Variants in TMEM232 observed in about 807,000 individuals in gnomAD.
The protein encoded by TMEM232 is transmembrane protein 232.
Under a neutral mutation model 78.8 loss-of-function variants are expected in TMEM232, and 80 were observed. The observed-to-expected ratio is 1.01, with a 90% confidence interval of 0.85 to 1.22. TMEM232 has a LOEUF of 1.22. TMEM232 is among the 50% of genes most tolerant of loss of function. The pLI is 0.00. For synonymous variants in TMEM232, 297 were observed against 254.3 expected (o/e 1.17, Z -1.60); for missense variants, 881 against 742.2 (o/e 1.19, Z -2.17).
At chr5:110,508,998 G>GTA (rs202045858) in intron 12 of TMEM232, among the ~76,000 whole-genome samples, 9 of 123,482 alleles carry the variant, frequency 7.3e-5, no homozygotes, top group Non-Finnish European at 1.1e-4. Flanking sequence ...GTGTATATAT[G>GTA]TATATATATA....
At chr5:110,615,015 T>C (rs1443482050) in intron 8 of TMEM232, among the ~76,000 whole-genome samples, 1 of 151,964 alleles carries the variant, frequency 6.6e-6, no homozygotes, top group Non-Finnish European at 1.5e-5. Context: ...ATGTAAAAAA[T>C]ATTGCAATCT....
At chr5:110,552,176 C>T (rs1053425066) in intron 11 of TMEM232, among the ~76,000 whole-genome samples, 2 of 151,836 alleles carry the variant, frequency 1.3e-5, no homozygotes, top group Non-Finnish European at 2.9e-5. Context: ...CCAGAATTTT[C>T]AAGTAAGTGG....
intron 10 of TMEM232, among the ~76,000 whole-genome samples, chr5:110,597,575 A>C (rs897302303): frequency 6.6e-6 from 1 of 151,788 alleles, no homozygotes; most frequent in African/African-American, 2.4e-5. Context: ...AAGCCAAAAG[A>C]ACAAAGCTGG....
chr5:110,406,846 G>A lies in TMEM232; in HGVS notation n.309-8992C>T, dbSNP rs142124693. ...CTGAAAATCAAAATGTAGTGGAAAT[G>A]AGGTTAGATTGTAGATTTTTTGCCT... is the stretch of plus-strand genomic sequence containing the variant. On this transcript the variant is annotated intron_variant and non_coding_transcript_variant, in intron 2 of 8. Coordinates refer to the TMEM232 transcript ENST00000507188. Among the ~76,000 whole-genome samples the A allele has an allele frequency of 4.7e-3, 709 of 152,200 alleles. 7 individuals are homozygous for A. The highest frequency in any genetic ancestry group is 0.016 in the African/African-American group (667 of 41,564).
At chr5:110,588,262 T>C (rs1779097443) in intron 10 of TMEM232, among the ~76,000 whole-genome samples, 1 of 152,144 alleles carries the variant, frequency 6.6e-6, no homozygotes, top group Non-Finnish European at 1.5e-5. Context: ...AAAATCATTC[T>C]CAACAAACAA....
At chr5:110,598,037 T>C in intron 10 of TMEM232, among the ~76,000 whole-genome samples, 1 of 152,076 alleles carries the variant, frequency 6.6e-6, no homozygotes, top group Non-Finnish European at 1.5e-5. Flanking sequence ...CTAAAGAGCT[T>C]CTGCACAGCA....
At chr5:110,676,773 T>C (rs1012220954) in intron 1 of TMEM232, among the ~76,000 whole-genome samples, 17 of 149,610 alleles carry the variant, frequency 1.1e-4, no homozygotes, top group Admixed American at 2.0e-4. Flanking sequence ...ATTTATTTAT[T>C]TAATATACGG....
In TMEM232 at chr5:110,733,192, T is replaced by A. The variant is rs556102789; in HGVS notation, c.-13+1711A>T. 3.7e-4 allele frequency among the ~76,000 whole-genome samples: 57 copies of A among 152,190 alleles called. 1 individual carries two copies. Among genetic ancestry groups the A allele is most frequent in the Non-Finnish European group, 5.4e-4 (37 of 67,996 alleles). ...AAATAATAATAATAATAACAACAGA[T>A]GCTGGTGAGGTTTGCAGTGAAAAGG... On this transcript the variant is annotated intron_variant, in intron 2 of 4. Coordinates refer to the TMEM232 transcript ENST00000512886.
chr5:110,663,399 T>C (rs1790072238), intron 2 of TMEM232, among the ~76,000 whole-genome samples: 1 of 152,094 alleles, frequency 6.6e-6, no homozygotes, highest in African/African-American at 2.4e-5. Flanking sequence ...CACATGGAAG[T>C]AATTCTAACA....
chr5:110,647,075 T>C (rs1787600522), intron 2 of TMEM232, among the ~76,000 whole-genome samples: 1 of 151,878 alleles, frequency 6.6e-6, no homozygotes, highest in Non-Finnish European at 1.5e-5. Flanking sequence ...TATGCATTTT[T>C]TGCAAATTTG....
At chr5:110,548,403 TAA>T (rs1288711489) in intron 11 of TMEM232, among the ~76,000 whole-genome samples, 1 of 149,484 alleles carries the variant, frequency 6.7e-6, no homozygotes, top group African/African-American at 2.5e-5. Flanking sequence ...TAAAATATTA[TAA>T]GACATTTTCA....
chr5:110,587,137 G>T (rs1020864292), intron 10 of TMEM232, among the ~76,000 whole-genome samples: 1 of 151,978 alleles, frequency 6.6e-6, no homozygotes, highest in Non-Finnish European at 1.5e-5. Flanking sequence ...AATTATTTTA[G>T]CAGATCAACA....
chr5:110,707,071 T>C (rs1245753208), intron 1 of TMEM232, among the ~76,000 whole-genome samples: 2 of 152,058 alleles, frequency 1.3e-5, no homozygotes, highest in Admixed American at 6.6e-5. Context: ...CCAAATAAAA[T>C]TGTAAAAGTG....
chr5:110,690,989 G>A (rs1048995841), intron 1 of TMEM232, among the ~76,000 whole-genome samples: 3 of 152,010 alleles, frequency 2.0e-5, no homozygotes, highest in Admixed American at 2.0e-4. Context: ...GTGGGGGTAG[G>A]GGAGGGATAG....
chr5:110,399,130 C>T (rs190404214), intron 2 of TMEM232, among the ~76,000 whole-genome samples: 1 of 151,000 alleles, frequency 6.6e-6, no homozygotes, highest in Non-Finnish European at 1.5e-5. Context: ...ACCATCTAAA[C>T]TAGAAAAAAA....
At chr5:110,682,791 T>A (rs1345991864) in intron 1 of TMEM232, among the ~76,000 whole-genome samples, 1 of 152,148 alleles carries the variant, frequency 6.6e-6, no homozygotes, top group Admixed American at 6.6e-5. Flanking sequence ...TTTTCAGTAC[T>A]GATCTTACCT....
At chr5:110,408,436 A>G (rs776696068) in intron 2 of TMEM232, among the ~76,000 whole-genome samples, 31 of 152,168 alleles carry the variant, frequency 2.0e-4, no homozygotes, top group Non-Finnish European at 4.1e-4. Flanking sequence ...TACTAAAAAT[A>G]TAAAAATTAG....
chr5:110,413,421 C>T (rs10079595), intron 2 of TMEM232, among the ~76,000 whole-genome samples: 3,912 of 152,258 alleles, frequency 0.026, 191 homozygotes, highest in African/African-American at 0.091. Flanking sequence ...GGCTCCTTAG[C>T]TTGCAGATGG....
At chr5:110,398,537 C>T (rs1385851520) in intron 2 of TMEM232, among the ~76,000 whole-genome samples, 1 of 152,062 alleles carries the variant, frequency 6.6e-6, no homozygotes, top group Non-Finnish European at 1.5e-5. Flanking sequence ...CATAGGCCAC[C>T]CCTTAACCCA....
Sources: gnomAD v4.1 joint callset for allele counts (sites outside exome capture counted in the v4.1 genomes callset) on GRCh38, gnomAD v4.1.1 for gene constraint, MANE v1.5 for transcripts, NCBI Gene and HGNC (gene_info 2026-07-23, HGNC 2026-07-21) for gene names.